Variants in CRIM1 observed in about 807,000 individuals in gnomAD.
The protein encoded by CRIM1 is cysteine-rich motor neuron 1 protein.
A neutral mutation model predicts 116.4 loss-of-function variants in CRIM1; 32 were observed. The ratio of observed to expected loss-of-function variants is 0.27; its 90% CI spans 0.21 to 0.37. CRIM1 has a LOEUF of 0.37. Among genes scored for constraint, CRIM1 ranks in the 10% least tolerant of loss-of-function variants. CRIM1 has a pLI of 1.00. For missense variants in CRIM1, 1,331 were observed against 1,354.8 expected (o/e 0.98, Z 0.28); for synonymous variants, 590 against 509.2 (o/e 1.16, Z -2.13).
rs1678432047 is a variant in CRIM1 at position 36,470,690 on chromosome 2, G to A, written c.991+6035G>A. The stretch of plus-strand genomic sequence containing the variant: ...ACCTGGTCTCCCAAGAGCTCTGATG[G>A]AGGTGTACAAGATTAGTGTTGTTTT... On this transcript the variant is annotated intron_variant, in intron 5 of 16. Coordinates refer to ENST00000280527, the MANE Select transcript of CRIM1 (RefSeq NM_016441.3). Among the ~76,000 whole-genome samples the A allele has an allele frequency of 3.9e-5, 6 of 152,168 alleles. No homozygotes were observed. The South Asian group carries it at 1.2e-3, about 32-fold the overall frequency.
chr2:36,441,210 G>A, intron 2 of CRIM1, 48 bp from the exon 3 acceptor site: 2 of 1,609,496 alleles, frequency 1.2e-6, no homozygotes, highest in East Asian at 4.5e-5. Flanking sequence ...TGTTGAAAGT[G>A]CCCCACACTG....
intron 1 of CRIM1, among the ~76,000 whole-genome samples, chr2:36,361,357 A>G (rs1008676832): frequency 6.6e-6 from 1 of 152,212 alleles, no homozygotes; most frequent in African/African-American, 2.4e-5. Flanking sequence ...TAATCTGTGT[A>G]GGCATTACAT....
At chr2:36,542,033 C>T (rs139641498) in intron 14 of CRIM1, among the ~76,000 whole-genome samples, 6 of 152,194 alleles carry the variant, frequency 3.9e-5, no homozygotes, top group African/African-American at 1.4e-4. Context: ...AAATGACTCT[C>T]TTCCCTTGGA....
chr2:36,490,429 C>T (rs754343207), intron 7 of CRIM1, among the ~76,000 whole-genome samples: 15 of 152,144 alleles, frequency 9.9e-5, no homozygotes, highest in South Asian at 2.1e-4. Context: ...GACTCCAAAT[C>T]CATGACCTTG....
intron 4 of CRIM1, among the ~76,000 whole-genome samples, chr2:36,461,267 C>G (rs1677561104): frequency 6.6e-6 from 1 of 152,172 alleles, no homozygotes; most frequent in African/African-American, 2.4e-5. Context: ...TTGAAATCAG[C>G]TCACTGCAGC....
intron 1 of CRIM1, among the ~76,000 whole-genome samples, chr2:36,377,262 G>A (rs890186483): frequency 6.6e-6 from 1 of 152,188 alleles, no homozygotes. Flanking sequence ...CCCCAGTCTT[G>A]GGGCATTTTA....
chr2:36,461,422 G>A (rs539284819), intron 4 of CRIM1, among the ~76,000 whole-genome samples: 3 of 152,222 alleles, frequency 2.0e-5, no homozygotes, highest in Middle Eastern at 6.8e-3. Context: ...TGGTGAGGAC[G>A]GTACAGGTTG....
intron 14 of CRIM1, 74 bp from the exon 15 acceptor site, chr2:36,544,284 CTTGAATTGAGTGCACCAT>C: frequency 8.7e-7 from 1 of 1,152,768 alleles, no homozygotes; most frequent in Non-Finnish European, 1.1e-6. Flanking sequence ...GAAATGTGGT[CTTGAATTGAGTGCACCAT>C]TTGGATTGAG....
At chr2:36,427,200 CAA>C (rs542726534) in intron 2 of CRIM1, among the ~76,000 whole-genome samples, 3 of 106,948 alleles carry the variant, frequency 2.8e-5, no homozygotes, top group Non-Finnish European at 6.0e-5. Flanking sequence ...AACTCTGTCT[CAA>C]AAAAAAAAAA....
At chr2:36,510,432 G>A (rs1664580742) in intron 9 of CRIM1, among the ~76,000 whole-genome samples, 1 of 152,190 alleles carries the variant, frequency 6.6e-6, no homozygotes, top group African/African-American at 2.4e-5. Context: ...AAGATTAGGA[G>A]ATGGAATTGT....
At chr2:36,416,818 T>C (rs1673657256) in intron 2 of CRIM1, among the ~76,000 whole-genome samples, 1 of 152,224 alleles carries the variant, frequency 6.6e-6, no homozygotes. Flanking sequence ...CTTCCTCCCA[T>C]GAGCTTTCCT....
chr2:36,511,135 T>C (rs78324767), intron 9 of CRIM1, among the ~76,000 whole-genome samples: 1 of 152,136 alleles, frequency 6.6e-6, no homozygotes, highest in African/African-American at 2.4e-5. Context: ...AGAGATGGGG[T>C]TTCACCATGT....
intron 13 of CRIM1, chr2:36,531,812 A>G (rs1237067427): frequency 6.7e-6 from 3 of 448,134 alleles, no homozygotes; most frequent in African/African-American, 2.0e-5. Flanking sequence ...GCTGAAAGAC[A>G]TTGTATATTT....
intron 2 of CRIM1, among the ~76,000 whole-genome samples, chr2:36,437,277 A>T (rs1675391045): frequency 1.3e-5 from 2 of 152,228 alleles, no homozygotes; most frequent in South Asian, 4.2e-4. Context: ...CCGGAGGCTG[A>T]GGCAGGAGAA....
In CRIM1 at chr2:36,374,621, G is replaced by T. The variant is rs550769764; in HGVS notation, c.331+17998G>T. ...GCAATTGGGTTGTACTGACTGCAGT[G>T]TTACTCCTCATTTCCTTTCCCCCTT... On this transcript the variant is annotated intron_variant, in intron 1 of 16. Coordinates refer to ENST00000280527, the MANE Select transcript of CRIM1 (RefSeq NM_016441.3). 2.0e-5 allele frequency among the ~76,000 whole-genome samples: 3 copies of T among 152,226 alleles called. No individual in the cohort carries two copies. In the South Asian group the frequency reaches 6.2e-4, roughly 32 times the overall value.
intron 1 of CRIM1, among the ~76,000 whole-genome samples, chr2:36,390,145 C>T (rs1671464488): frequency 6.6e-6 from 1 of 151,922 alleles, no homozygotes; most frequent in Admixed American, 6.6e-5. Flanking sequence ...AAGTCCAGGA[C>T]AAGACTGAAT....
rs752470108 is a variant in CRIM1 at position 36,537,473 on chromosome 2, G to A, written c.2550G>A (p.Ser850=). The A allele has an allele frequency of 1.3e-5, 21 of 1,614,086 alleles. No homozygotes were observed. Among genetic ancestry groups the A allele is most frequent in the African/African-American group, 2.7e-5 (2 of 74,950 alleles). The stretch of plus-strand genomic sequence containing the variant: ...GCCTGCAGGGCCAGACCCTCTGCTC[G>A]ACCGTCAGCTGCCCCCCTCTGCCCT... ...CYCLQGQTLC[S]TVSCPPLPCV... is the part of the protein sequence containing the mutation. Residue 850 remains serine (S), a synonymous_variant, in exon 14 of 17, where the codon TCG becomes TCA. Coordinates refer to ENST00000280527, the MANE Select transcript of CRIM1 (RefSeq NM_016441.3).
At chr2:36,395,391 TC>T (rs1335436215) in intron 1 of CRIM1, among the ~76,000 whole-genome samples, 1 of 152,364 alleles carries the variant, frequency 6.6e-6, no homozygotes. Flanking sequence ...TAAAAAATTC[TC>T]TTCAGATATG....
At chr2:36,459,530 A>G (rs756203) in intron 4 of CRIM1, among the ~76,000 whole-genome samples, 38,724 of 152,074 alleles carry the variant, frequency 0.25, 5,039 homozygotes, top group East Asian at 0.36. Context: ...TCACAGGAGA[A>G]ACAGTCTGAT....
Sources: gnomAD v4.1 joint callset for allele counts (sites outside exome capture counted in the v4.1 genomes callset) on GRCh38, gnomAD v4.1.1 for gene constraint, MANE v1.5 for transcripts, NCBI Gene and HGNC (gene_info 2026-07-23, HGNC 2026-07-21) for gene names.